ARMC9: variants seen among roughly 807,000 people sequenced by gnomAD.
ARMC9 encodes the protein lisH domain-containing protein ARMC9.
ARMC9 carries 94 observed loss-of-function variants against 107.0 expected under a neutral mutation model. That is an observed-to-expected ratio of 0.88 (90% CI 0.74 to 1.04). The LOEUF (loss-of-function observed/expected upper bound fraction) is 1.04. Among genes scored for constraint, ARMC9 ranks in the 50% least tolerant of loss-of-function variants. The probability of loss-of-function intolerance (pLI) is 0.00; values close to 1 mark genes in which losing one functional copy is unlikely to be tolerated. For synonymous variants in ARMC9, 380 were observed against 396.9 expected (o/e 0.96, Z 0.51); for missense variants, 942 against 1,030.1 (o/e 0.91, Z 1.17).
In ARMC9 at chr2:231,331,686, T is replaced by C. The variant is rs1209629002; in HGVS notation, c.1774-107T>C. 5 of 920,962 alleles carry C rather than the reference T, an allele frequency of 5.4e-6. No individual in the cohort carries two copies. In the African/African-American group the frequency reaches 8.3e-5, roughly 15 times the overall value. The allele number at this position is 920,962 out of a possible 1,614,324, so 57.0% of individuals were successfully genotyped here. A position where few individuals can be genotyped will look rare whatever the true frequency, so the allele number is the denominator to read the frequency against. On this transcript the variant is annotated intron_variant, in intron 19 of 24. Coordinates refer to ENST00000611582, the MANE Select transcript of ARMC9 (RefSeq NM_001352754.2). ...AATATAAGCCTGCAAGTTGCTGTGA[T>C]TGGCCGAGGCCTTCTTGTTTCATGA...
chr2:231,314,394 CTT>C (rs897447493), intron 19 of ARMC9, among the ~76,000 whole-genome samples: 1 of 152,094 alleles, frequency 6.6e-6, no homozygotes, highest in Non-Finnish European at 1.5e-5. Flanking sequence ...CTAATAGTGT[CTT>C]TTGATTTGTA....
chr2:231,232,650 C>T (rs2035341336), intron 7 of ARMC9, among the ~76,000 whole-genome samples: 1 of 151,622 alleles, frequency 6.6e-6, no homozygotes, highest in Admixed American at 6.6e-5. Flanking sequence ...GGAGTTTCAC[C>T]ATGTTGGCCA....
At chr2:231,328,438 T>C (rs573273514) in intron 19 of ARMC9, among the ~76,000 whole-genome samples, 7 of 152,224 alleles carry the variant, frequency 4.6e-5, no homozygotes, top group Admixed American at 3.3e-4. Context: ...TTTTTCCTTT[T>C]ATGGGTGTTC....
rs1164228549 is a variant in ARMC9, at chr2:231,256,699, CACTT to C, written c.914+81_914+84del. The C allele has an allele frequency of 7.5e-6, 11 of 1,467,262 alleles. No homozygotes were observed. In the East Asian group the frequency reaches 1.1e-4, roughly 15 times the overall value. 90.9% of individuals were successfully genotyped at this position (1,467,262 alleles called of 1,614,324 possible). ...GGGAATTCAAAGTGTCTTTAATAAACACTTAGCAGCCTAGGTTAGAGGAATGCCT... is the reference window on the plus strand; with the variant it reads ...GGGAATTCAAAGTGTCTTTAATAAACAGCAGCCTAGGTTAGAGGAATGCCT... On this transcript the variant is annotated intron_variant, in intron 10 of 24. Coordinates refer to ENST00000611582, the MANE Select transcript of ARMC9 (RefSeq NM_001352754.2).
chr2:231,276,971 A>C (rs2039817068), intron 15 of ARMC9, among the ~76,000 whole-genome samples, 196 bp downstream of exon 15: 2 of 152,234 alleles, frequency 1.3e-5, no homozygotes, highest in African/African-American at 4.8e-5. Flanking sequence ...TGCCCTGGAA[A>C]AAATGTCTTG....
At chr2:231,304,810 T>C (rs551108247) in intron 19 of ARMC9, among the ~76,000 whole-genome samples, 17 of 152,318 alleles carry the variant, frequency 1.1e-4, no homozygotes, top group South Asian at 6.2e-4. Context: ...ATGGCAGATA[T>C]AGGTTTCTCA....
chr2:231,256,079 C>G (rs905038547), intron 9 of ARMC9: 5 of 1,541,564 alleles, frequency 3.2e-6, no homozygotes, highest in Middle Eastern at 2.3e-4. Context: ...TCCGCCAGAC[C>G]GCCGCCGCGC....
At chr2:231,238,388 T>A (rs1002038923) in intron 8 of ARMC9, among the ~76,000 whole-genome samples, 2 of 152,234 alleles carry the variant, frequency 1.3e-5, no homozygotes, top group African/African-American at 4.8e-5. Context: ...TCTCACTCTG[T>A]TGTCTAGCTG....
At chr2:231,237,783 T>TA (rs2035904458) in intron 8 of ARMC9, among the ~76,000 whole-genome samples, 1 of 23,982 alleles carries the variant, frequency 4.2e-5, no homozygotes, top group Non-Finnish European at 7.3e-5. Context: ...ATATATATAT[T>TA]TTTTTTTTTT....
intron 20 of ARMC9, among the ~76,000 whole-genome samples, chr2:231,333,643 G>C (rs749133834): frequency 1.3e-5 from 2 of 152,204 alleles, no homozygotes; most frequent in Admixed American, 6.5e-5. Context: ...ACGCGGCTCC[G>C]TGTGATTGGT....
chr2:231,345,195 G>T (rs1289633283), intron 21 of ARMC9, 105 bp downstream of exon 21: 9 of 1,543,948 alleles, frequency 5.8e-6, no homozygotes, highest in Admixed American at 2.3e-5. Flanking sequence ...CATTCATTTT[G>T]AAAAGCATTT....
chr2:231,328,804 C>CTTTTGTTT, intron 19 of ARMC9, among the ~76,000 whole-genome samples: 1 of 118,662 alleles, frequency 8.4e-6, no homozygotes, highest in Non-Finnish European at 1.9e-5. Context: ...GTTCAATTTT[C>CTTTTGTTT]TTTTCTTTTC....
At chr2:231,334,240 C>T (rs901211341) in intron 20 of ARMC9, among the ~76,000 whole-genome samples, 2 of 152,236 alleles carry the variant, frequency 1.3e-5, no homozygotes, top group African/African-American at 2.4e-5. Context: ...CCACTAACTG[C>T]AGACTTAAAA....
intron 22 of ARMC9, among the ~76,000 whole-genome samples, chr2:231,356,468 A>T (rs2045349271): frequency 6.6e-6 from 1 of 152,100 alleles, no homozygotes. Flanking sequence ...TGTACAAAGT[A>T]TTTTTTTTAA....
intron 9 of ARMC9, chr2:231,256,226 C>T (rs2037788958): frequency 6.5e-7 from 1 of 1,532,438 alleles, no homozygotes; most frequent in African/African-American, 1.4e-5. Context: ...ATCCATCATC[C>T]GCAATGTAAA....
intron 19 of ARMC9, among the ~76,000 whole-genome samples, chr2:231,327,309 G>T (rs1212366478): frequency 6.6e-6 from 1 of 152,058 alleles, no homozygotes; most frequent in Non-Finnish European, 1.5e-5. Context: ...ATCACTCAAG[G>T]ATCCCTCATA....
chr2:231,328,715 A>G (rs1174590100), intron 19 of ARMC9, among the ~76,000 whole-genome samples: 2 of 151,958 alleles, frequency 1.3e-5, no homozygotes, highest in Admixed American at 6.6e-5. Context: ...GTAGCATACA[A>G]TCTGGACTAC....
intron 23 of ARMC9, among the ~76,000 whole-genome samples, chr2:231,365,932 G>A (rs1366514312): frequency 6.6e-6 from 1 of 152,148 alleles, no homozygotes; most frequent in African/African-American, 2.4e-5. Flanking sequence ...TTTCTCCAGT[G>A]CCAGTGGGAG....
At chr2:231,371,128 G>T (rs1575208207) in intron 24 of ARMC9, 1 of 495,058 alleles carries the variant, frequency 2.0e-6, no homozygotes, top group East Asian at 5.8e-5. Flanking sequence ...GGCTCGGCCA[G>T]GAGGAAGGTG....
Sources: gnomAD v4.1 joint callset for allele counts (sites outside exome capture counted in the v4.1 genomes callset) on GRCh38, gnomAD v4.1.1 for gene constraint, MANE v1.5 for transcripts, NCBI Gene and HGNC (gene_info 2026-07-23, HGNC 2026-07-21) for gene names.